KCNAB1: variants seen among roughly 807,000 people sequenced by gnomAD.
The protein encoded by KCNAB1 is voltage-gated potassium channel subunit beta-1.
A neutral mutation model predicts 64.6 loss-of-function variants in KCNAB1; 35 were observed. The ratio of observed to expected loss-of-function variants is 0.54; its 90% CI spans 0.41 to 0.72. The LOEUF (loss-of-function observed/expected upper bound fraction) is 0.72, where lower values mean the gene tolerates loss of function less well. Among genes scored for constraint, KCNAB1 ranks in the 30% least tolerant of loss-of-function variants. The pLI, the probability that KCNAB1 is intolerant of heterozygous loss-of-function variation, is 0.00. For synonymous variants in KCNAB1, 177 were observed against 183.8 expected, an observed-to-expected ratio of 0.96 and a Z score of 0.30; for missense variants, 401 against 512.9, an observed-to-expected ratio of 0.78 and a Z score of 2.11.
chr3:156,188,506 T>G (rs1024963982), intron 1 of KCNAB1, among the ~76,000 whole-genome samples: 1 of 152,170 alleles, frequency 6.6e-6, no homozygotes, highest in Non-Finnish European at 1.5e-5. Flanking sequence ...AAATGCATGC[T>G]CATGTAAATA....
intron 2 of KCNAB1, among the ~76,000 whole-genome samples, chr3:156,431,742 T>C (rs1248371459): frequency 1.2e-4 from 19 of 152,238 alleles, no homozygotes; most frequent in Admixed American, 1.2e-3. Flanking sequence ...CACAAATTTC[T>C]AGGCCCACAT....
intron 7 of KCNAB1, among the ~76,000 whole-genome samples, chr3:156,472,800 C>A (rs1050654756): frequency 2.0e-5 from 3 of 152,152 alleles, no homozygotes; most frequent in Non-Finnish European, 4.4e-5. Flanking sequence ...AAGACTGTGT[C>A]TGTGCATCTT....
At chr3:156,516,478 C>A in intron 11 of KCNAB1, 114 bp downstream of exon 11, 5 of 783,166 alleles carry the variant, frequency 6.4e-6, no homozygotes, top group Middle Eastern at 5.5e-4. Context: ...CTGTGTTGTC[C>A]AGGCCAGTGG....
chr3:156,242,116 G>T (rs773251160), intron 1 of KCNAB1, among the ~76,000 whole-genome samples: 29 of 152,288 alleles, frequency 1.9e-4, no homozygotes, highest in Middle Eastern at 3.4e-3. Context: ...ATCACTTAGT[G>T]TGGGCTGATT....
chr3:156,217,218 C>G (rs979103767), intron 1 of KCNAB1, among the ~76,000 whole-genome samples: 3 of 152,212 alleles, frequency 2.0e-5, no homozygotes, highest in Non-Finnish European at 2.9e-5. Flanking sequence ...TAATGTGCAT[C>G]TGGTTCCAGT....
chr3:156,514,827 A>G (rs1717446707), intron 9 of KCNAB1, among the ~76,000 whole-genome samples: 1 of 152,174 alleles, frequency 6.6e-6, no homozygotes, highest in Admixed American at 6.5e-5. Flanking sequence ...GTTAAACTAC[A>G]TTTTCTTTAT....
intron 1 of KCNAB1, among the ~76,000 whole-genome samples, chr3:156,370,732 A>C (rs975567811): frequency 6.6e-6 from 1 of 152,300 alleles, no homozygotes; most frequent in East Asian, 1.9e-4. Context: ...GTTAAACTCA[A>C]TAGGGAAGGC....
At chr3:156,268,330 C>T (rs749965908) in intron 1 of KCNAB1, among the ~76,000 whole-genome samples, 2 of 152,114 alleles carry the variant, frequency 1.3e-5, no homozygotes, top group African/African-American at 4.8e-5. Context: ...CTACAATAAA[C>T]GTGAGAGTGC....
chr3:156,314,566 G>A (rs1191212664), intron 1 of KCNAB1, among the ~76,000 whole-genome samples: 1 of 152,234 alleles, frequency 6.6e-6, no homozygotes, highest in Non-Finnish European at 1.5e-5. Context: ...CCGAGGATGA[G>A]GAAGCCCCAT....
chr3:156,257,004 A>C (rs1718136267), intron 1 of KCNAB1, among the ~76,000 whole-genome samples: 1 of 152,186 alleles, frequency 6.6e-6, no homozygotes, highest in African/African-American at 2.4e-5. Flanking sequence ...CTTTAGGCTG[A>C]GAGGTGGTAA....
chr3:156,156,749 A>G (rs1715750731), intron 1 of KCNAB1, among the ~76,000 whole-genome samples: 1 of 152,206 alleles, frequency 6.6e-6, no homozygotes. Context: ...CTAAATGCCT[A>G]TTAGAGAACA....
intron 1 of KCNAB1, among the ~76,000 whole-genome samples, chr3:156,198,912 G>GTTTTTTTTTTTTTTTT (rs1714138392): frequency 2.6e-5 from 1 of 38,968 alleles, no homozygotes; most frequent in African/African-American, 1.3e-4. Context: ...TTTATATTTT[G>GTTTTTTTTTTTTTTTT]ATTTTTTTTT....
chr3:156,417,800 T>C (rs777840530), intron 1 of KCNAB1, among the ~76,000 whole-genome samples: 1 of 152,090 alleles, frequency 6.6e-6, no homozygotes, highest in Non-Finnish European at 1.5e-5. Context: ...GAACAAATCA[T>C]TGTCCTGAAA....
chr3:156,481,437 A>T (rs1263027285), intron 8 of KCNAB1, among the ~76,000 whole-genome samples: 4 of 145,522 alleles, frequency 2.7e-5, no homozygotes, highest in African/African-American at 1.0e-4. Flanking sequence ...AAAAAAAAAA[A>T]GTGTTTCAAT....
Position 156,537,222 on chromosome 3 carries a change from T to TA in KCNAB1, c.*480dup. Reference sequence around the variant, plus strand: ...AGATTATTGTTAAGTAAATAGTTATTAAAAATATATCTCACTGCAAAAAAA... The same window carrying TA: ...AGATTATTGTTAAGTAAATAGTTATTAAAAAATATATCTCACTGCAAAAAAA... On this transcript the variant is annotated 3_prime_UTR_variant, in exon 14 of 14. Coordinates refer to ENST00000490337, the MANE Select transcript of KCNAB1 (RefSeq NM_172160.3). 2.7e-6 allele frequency: 1 copy of TA among 367,420 alleles called. No homozygotes were observed. Among genetic ancestry groups the TA allele is most frequent in the Non-Finnish European group, 4.6e-6 (1 of 215,116 alleles). The allele number at this position is 367,420 out of a possible 1,614,324, so 22.8% of individuals were successfully genotyped here.
At chr3:156,506,254 G>C (rs550719779) in intron 8 of KCNAB1, among the ~76,000 whole-genome samples, 1 of 152,106 alleles carries the variant, frequency 6.6e-6, no homozygotes, top group Non-Finnish European at 1.5e-5. Context: ...CAAGGTGAAG[G>C]CTGGGCTAAA....
At position 156,232,586 on chromosome 3, in the gene KCNAB1, C is replaced by T. The variant is rs114172974; in HGVS notation, c.275+111700C>T. 1.7e-3 allele frequency among the ~76,000 whole-genome samples: 261 copies of T among 152,328 alleles called. 1 individual carries two copies. Among genetic ancestry groups the T allele is most frequent in the African/African-American group, 6.1e-3 (255 of 41,558 alleles). Reference sequence around the variant, plus strand: ...TTACTACTGATCAATGCACAGAAGCCCACGCCAGATGAAGGCATAGAATTA... The same window carrying T: ...TTACTACTGATCAATGCACAGAAGCTCACGCCAGATGAAGGCATAGAATTA... On this transcript the variant is annotated intron_variant, in intron 1 of 13. Transcript: ENST00000490337.
chr3:156,391,188 C>A (rs1713013744), intron 1 of KCNAB1, among the ~76,000 whole-genome samples: 1 of 152,106 alleles, frequency 6.6e-6, no homozygotes, highest in Non-Finnish European at 1.5e-5. Flanking sequence ...AATTTGAATA[C>A]CCAGGTTGAA....
rs1213387226 is a variant in KCNAB1, at chr3:156,431,059, T to A, written c.319+9400T>A. Among the ~76,000 whole-genome samples the A allele has an allele frequency of 2.0e-5, 3 of 152,152 alleles. No homozygotes were observed. The East Asian group carries it at 5.8e-4, about 29-fold the overall frequency. ...CCCACGATCAGGTGTGCTTTCCCCA[T>A]GAGAAATTTCAAAGTAAGGATGCAA... On this transcript the variant is annotated intron_variant, in intron 2 of 13. Coordinates refer to ENST00000490337, the MANE Select transcript of KCNAB1 (RefSeq NM_172160.3).
Sources: gnomAD v4.1 joint callset for allele counts (sites outside exome capture counted in the v4.1 genomes callset) on GRCh38, gnomAD v4.1.1 for gene constraint, MANE v1.5 for transcripts, NCBI Gene and HGNC (gene_info 2026-07-23, HGNC 2026-07-21) for gene names.